Variants in RBFOX1 observed in about 807,000 individuals in gnomAD.
RBFOX1 encodes the protein RNA binding protein fox-1 homolog 1.
In RBFOX1, 8 loss-of-function variants were observed where a neutral mutation model predicts 57.7. That is an observed-to-expected ratio of 0.14 (90% CI 0.08 to 0.25). The LOEUF is 0.25. RBFOX1 is among the 10% of genes least tolerant of loss of function. The probability of loss-of-function intolerance (pLI) is 1.00; values close to 1 mark genes in which losing one functional copy is unlikely to be tolerated. For synonymous variants in RBFOX1, 326 were observed against 222.4 expected (o/e 1.47, Z -4.15); for missense variants, 611 against 548.5 (o/e 1.11, Z -1.14).
At chr16:5,980,853 C>T (rs370095189) in intron 4 of RBFOX1, among the ~76,000 whole-genome samples, 4 of 152,064 alleles carry the variant, frequency 2.6e-5, no homozygotes, top group African/African-American at 9.7e-5. Context: ...TGTCGGGCAA[C>T]GCTGTCGTCC....
intron 3 of RBFOX1, among the ~76,000 whole-genome samples, chr16:6,905,308 C>T (rs979581019): frequency 1.3e-5 from 2 of 151,732 alleles, no homozygotes; most frequent in African/African-American, 4.8e-5. Context: ...AATCCTAGAA[C>T]TTTGGGAGGC....
intron 2 of RBFOX1, among the ~76,000 whole-genome samples, chr16:6,397,044 A>C (rs538972043): frequency 6.6e-6 from 1 of 152,308 alleles, no homozygotes; most frequent in Non-Finnish European, 1.5e-5. Context: ...TTATTAACAG[A>C]AGACTAGTGA....
chr16:6,206,564 T>C (rs1313388354), intron 1 of RBFOX1, among the ~76,000 whole-genome samples: 2 of 152,250 alleles, frequency 1.3e-5, no homozygotes, highest in Non-Finnish European at 2.9e-5. Flanking sequence ...CGATATTAAA[T>C]GTTCAATGTT....
At chr16:6,103,513 G>T (rs1043412522) in intron 1 of RBFOX1, among the ~76,000 whole-genome samples, 1 of 152,022 alleles carries the variant, frequency 6.6e-6, no homozygotes, top group South Asian at 2.1e-4. Flanking sequence ...GTACTTAACA[G>T]CATCAAAGTT....
chr16:6,370,219 G>A (rs1600212305), intron 2 of RBFOX1, among the ~76,000 whole-genome samples: 1 of 151,854 alleles, frequency 6.6e-6, no homozygotes. Flanking sequence ...TTAGCTGGGC[G>A]GGGTGGCGGG....
intron 4 of RBFOX1, chr16:7,333,199 G>A (rs1043079117): frequency 9.2e-6 from 9 of 977,898 alleles, no homozygotes; most frequent in African/African-American, 6.4e-5. Context: ...AAAAGCCCTC[G>A]CGTAGTCAGT....
At chr16:5,428,600 T>C (rs1053437784) in intron 1 of RBFOX1, among the ~76,000 whole-genome samples, 1 of 152,026 alleles carries the variant, frequency 6.6e-6, no homozygotes, top group Admixed American at 6.6e-5. Flanking sequence ...CAGGAAGGAC[T>C]GACGTTAGCC....
intron 2 of RBFOX1, among the ~76,000 whole-genome samples, chr16:5,536,378 G>A (rs1473057620): frequency 6.6e-6 from 1 of 151,904 alleles, no homozygotes; most frequent in Non-Finnish European, 1.5e-5. Context: ...GGGATTACAG[G>A]TGCCCGCCAC....
intron 4 of RBFOX1, among the ~76,000 whole-genome samples, chr16:7,322,393 C>T (rs2096557166): frequency 6.6e-6 from 1 of 152,226 alleles, no homozygotes; most frequent in African/African-American, 2.4e-5. Flanking sequence ...TGCTAGTAAA[C>T]ACGTCAACGT....
intron 4 of RBFOX1, among the ~76,000 whole-genome samples, chr16:7,166,987 T>TG: frequency 2.5e-5 from 3 of 120,386 alleles, no homozygotes; most frequent in Non-Finnish European, 5.1e-5. Context: ...TTTTTTTTTT[T>TG]TTTTTTTTTT....
chr16:5,281,843 T>A (rs2063278737), intron 1 of RBFOX1, among the ~76,000 whole-genome samples: 1 of 152,226 alleles, frequency 6.6e-6, no homozygotes, highest in African/African-American at 2.4e-5. Context: ...TTCTTGTAGA[T>A]GTTGTTGGAT....
Position 5,716,117 on chromosome 16 carries a change from A to G in RBFOX1, c.318+117156A>G, listed in dbSNP as rs966991507. ...CACCAGAGATTCCATTTCACATTTC[A>G]CATGTGTTTTTTCATTTAAATTTCA... On this transcript the variant is annotated intron_variant, in intron 3 of 19. Coordinates refer to the RBFOX1 transcript ENST00000641259. Among the ~76,000 whole-genome samples the G allele has an allele frequency of 3.3e-5, 5 of 152,220 alleles. No homozygotes were observed. In the South Asian group the frequency reaches 1.0e-3, roughly 32 times the overall value.
chr16:5,909,193 C>T (rs1021687405), intron 4 of RBFOX1, among the ~76,000 whole-genome samples: 3 of 146,956 alleles, frequency 2.0e-5, no homozygotes, highest in South Asian at 2.3e-4. Flanking sequence ...CCCGGGTTCA[C>T]GCCATTCTCC....
chr16:6,743,826 AT>A lies in RBFOX1; in HGVS notation c.-16+89179del, dbSNP rs1181668898. 5.5e-3 allele frequency among the ~76,000 whole-genome samples: 582 copies of A among 105,386 alleles called. 79 individuals are homozygous for A. The highest frequency in any genetic ancestry group is 0.022 in the African/African-American group (573 of 25,488). 69.1% of individuals were successfully genotyped at this position (105,386 alleles called of 152,430 possible). On this transcript the variant is annotated intron_variant, in intron 3 of 15. Coordinates refer to ENST00000550418, the MANE Select transcript of RBFOX1 (RefSeq NM_018723.4). ...TTATTTTTTCTCATGTGTTTTGACT[AT>A]TTAAAAAATCATGTTCATTTATTTC...
intron 1 of RBFOX1, among the ~76,000 whole-genome samples, chr16:6,316,781 C>T (rs1325226442): frequency 6.6e-6 from 1 of 152,140 alleles, no homozygotes; most frequent in Non-Finnish European, 1.5e-5. Flanking sequence ...AAGATAATAA[C>T]ACCTTCTTTG....
chr16:7,495,493 C>CT (rs750900316), intron 4 of RBFOX1, among the ~76,000 whole-genome samples: 1 of 152,160 alleles, frequency 6.6e-6, no homozygotes, highest in Non-Finnish European at 1.5e-5. Context: ...TGTTTTTTGA[C>CT]TTTTTACTAA....
chr16:5,409,663 A>G lies in RBFOX1; in HGVS notation c.220-57553A>G, dbSNP rs75478953. On this transcript the variant is annotated intron_variant, in intron 1 of 2. Coordinates refer to the RBFOX1 transcript ENST00000585867. Reference sequence around the variant, plus strand: ...GGCTCCTTGCCTCCAGGAAGCGTATATTCATTCCAGCCAGAGGAGAGAGAG... The same window carrying G: ...GGCTCCTTGCCTCCAGGAAGCGTATGTTCATTCCAGCCAGAGGAGAGAGAG... 3.8e-3 allele frequency among the ~76,000 whole-genome samples: 583 copies of G among 152,344 alleles called. 9 individuals carry two copies. The highest frequency in any genetic ancestry group is 0.014 in the African/African-American group (564 of 41,582).
At chr16:6,566,191 G>C (rs151199413) in intron 2 of RBFOX1, among the ~76,000 whole-genome samples, 2 of 152,158 alleles carry the variant, frequency 1.3e-5, no homozygotes, top group Non-Finnish European at 2.9e-5. Context: ...AATCACCTCC[G>C]TTGTTTTGAA....
intron 1 of RBFOX1, among the ~76,000 whole-genome samples, chr16:6,290,705 T>C (rs1363549366): frequency 6.6e-6 from 1 of 152,214 alleles, no homozygotes; most frequent in Non-Finnish European, 1.5e-5. Context: ...GTTGTGGTGG[T>C]GGTAGTTTTT....
Sources: gnomAD v4.1 joint callset for allele counts (sites outside exome capture counted in the v4.1 genomes callset) on GRCh38, gnomAD v4.1.1 for gene constraint, MANE v1.5 for transcripts, NCBI Gene and HGNC (gene_info 2026-07-23, HGNC 2026-07-21) for gene names.